The following NKAIN3 variants were observed in gnomAD, a reference collection of about 807,000 sequenced individuals.
The protein encoded by NKAIN3 is sodium/potassium-transporting ATPase subunit beta-1-interacting protein 3.
A neutral mutation model predicts 30.2 loss-of-function variants in NKAIN3; 25 were observed. The ratio of observed to expected loss-of-function variants is 0.83; its 90% CI spans 0.60 to 1.16. The LOEUF is 1.16. Ranked by LOEUF, NKAIN3 falls within the 50% of genes most tolerant of loss-of-function variation. The pLI, the probability that NKAIN3 is intolerant of heterozygous loss-of-function variation, is 0.00. For synonymous variants in NKAIN3, 91 were observed against 89.6 expected (o/e 1.02, Z -0.09); for missense variants, 225 against 254.1 (o/e 0.89, Z 0.78).
intron 1 of NKAIN3, among the ~76,000 whole-genome samples, chr8:62,438,801 G>T (rs1441081878): frequency 6.6e-6 from 1 of 152,152 alleles, no homozygotes; most frequent in Non-Finnish European, 1.5e-5. Context: ...GATCTCAAGT[G>T]ATCTGCCTGT....
At chr8:62,926,145 G>C (rs1822436669) in intron 5 of NKAIN3, among the ~76,000 whole-genome samples, 1 of 152,084 alleles carries the variant, frequency 6.6e-6, no homozygotes, top group Non-Finnish European at 1.5e-5. Context: ...TCACACCCTC[G>C]TGACACCCTG....
chr8:62,831,643 C>G (rs558070392), intron 4 of NKAIN3, among the ~76,000 whole-genome samples: 1 of 152,076 alleles, frequency 6.6e-6, no homozygotes, highest in Admixed American at 6.5e-5. Flanking sequence ...AGCTTGAAGA[C>G]TAGTCTTTCA....
chr8:62,853,150 C>CAT (rs1437428187), intron 4 of NKAIN3, among the ~76,000 whole-genome samples: 1 of 152,100 alleles, frequency 6.6e-6, no homozygotes, highest in African/African-American at 2.4e-5. Flanking sequence ...GTATTTGGTG[C>CAT]ATATATATGT....
intron 3 of NKAIN3, among the ~76,000 whole-genome samples, chr8:62,683,304 G>A (rs1197650799): frequency 6.6e-6 from 1 of 152,296 alleles, no homozygotes; most frequent in South Asian, 2.1e-4. Flanking sequence ...AAAGTGCTGA[G>A]ATTATAGGCA....
At chr8:62,353,821 C>A (rs1816259607) in intron 1 of NKAIN3, among the ~76,000 whole-genome samples, 1 of 152,092 alleles carries the variant, frequency 6.6e-6, no homozygotes, top group South Asian at 2.1e-4. Context: ...GGGATTGAAA[C>A]AGACACAAAG....
intron 3 of NKAIN3, among the ~76,000 whole-genome samples, chr8:62,676,593 C>A (rs1813483748): frequency 6.6e-6 from 1 of 152,034 alleles, no homozygotes; most frequent in Admixed American, 6.6e-5. Flanking sequence ...AGTATACTAT[C>A]TTATGGGTCA....
intron 1 of NKAIN3, among the ~76,000 whole-genome samples, chr8:62,485,196 G>T (rs773832771): frequency 2.0e-5 from 3 of 151,936 alleles, no homozygotes; most frequent in Non-Finnish European, 4.4e-5. Context: ...GCATCACAAT[G>T]AGGACAAAAG....
chr8:62,670,893 A>G (rs1319505555), intron 3 of NKAIN3, among the ~76,000 whole-genome samples: 1 of 151,234 alleles, frequency 6.6e-6, no homozygotes, highest in African/African-American at 2.4e-5. Context: ...ACACACACAC[A>G]CACACACACA....
At chr8:62,522,978 C>T (rs1244093978) in intron 1 of NKAIN3, among the ~76,000 whole-genome samples, 3 of 152,060 alleles carry the variant, frequency 2.0e-5, no homozygotes, top group Non-Finnish European at 4.4e-5. Context: ...TTATAGTCTA[C>T]AGTAGTGTGC....
chr8:62,397,717 A>G (rs1817808497), intron 1 of NKAIN3, among the ~76,000 whole-genome samples: 1 of 152,186 alleles, frequency 6.6e-6, no homozygotes, highest in Non-Finnish European at 1.5e-5. Flanking sequence ...ATGCTGGTTT[A>G]CATTCACATC....
chr8:62,755,811 T>G (rs1265738562), intron 4 of NKAIN3, among the ~76,000 whole-genome samples: 1 of 152,182 alleles, frequency 6.6e-6, no homozygotes, highest in Admixed American at 6.5e-5. Flanking sequence ...CAACAGTTTA[T>G]CTAAAGTTCC....
chr8:62,390,858 C>T (rs1265093337), intron 1 of NKAIN3, among the ~76,000 whole-genome samples: 1 of 152,100 alleles, frequency 6.6e-6, no homozygotes, highest in Admixed American at 6.6e-5. Flanking sequence ...AGCATCTGTT[C>T]ACATCCATTT....
At chr8:62,911,313 G>GA (rs1391708014) in intron 4 of NKAIN3, among the ~76,000 whole-genome samples, 2 of 152,102 alleles carry the variant, frequency 1.3e-5, no homozygotes, top group Non-Finnish European at 2.9e-5. Context: ...CTATATGCAT[G>GA]AAAAAATAAT....
chr8:62,688,641 A>G (rs904597380), intron 3 of NKAIN3, among the ~76,000 whole-genome samples: 2 of 152,138 alleles, frequency 1.3e-5, no homozygotes, highest in Non-Finnish European at 2.9e-5. Flanking sequence ...AGTTCTGTCA[A>G]GTAAAAATTC....
chr8:62,875,466 A>G (rs1300166206), intron 4 of NKAIN3, among the ~76,000 whole-genome samples: 1 of 152,014 alleles, frequency 6.6e-6, no homozygotes, highest in Non-Finnish European at 1.5e-5. Flanking sequence ...ACAGAATTAG[A>G]AAAAAAACTA....
intron 3 of NKAIN3, among the ~76,000 whole-genome samples, chr8:62,636,760 A>T (rs190573774): frequency 6.6e-6 from 1 of 152,208 alleles, no homozygotes; most frequent in African/African-American, 2.4e-5. Context: ...ACAAAAAATC[A>T]TGTCACTGGT....
chr8:62,803,087 A>C (rs562429132), intron 4 of NKAIN3, among the ~76,000 whole-genome samples: 1 of 152,334 alleles, frequency 6.6e-6, no homozygotes, highest in South Asian at 2.1e-4. Flanking sequence ...ATATGCACCC[A>C]ATATGAGAGC....
chr8:62,333,181 A>G (rs1007002344), intron 1 of NKAIN3, among the ~76,000 whole-genome samples: 3 of 152,096 alleles, frequency 2.0e-5, no homozygotes, highest in Non-Finnish European at 2.9e-5. Context: ...TCTGAAAGAG[A>G]TAGAGTTACC....
At chr8:62,388,525 GAT>G (rs1725936464) in intron 1 of NKAIN3, among the ~76,000 whole-genome samples, 3 of 152,262 alleles carry the variant, frequency 2.0e-5, no homozygotes, top group Non-Finnish European at 4.4e-5. Flanking sequence ...AGCATATGTG[GAT>G]TAACTAAAAT....
Sources: gnomAD v4.1 joint callset for allele counts (sites outside exome capture counted in the v4.1 genomes callset) on GRCh38, gnomAD v4.1.1 for gene constraint, MANE v1.5 for transcripts, NCBI Gene and HGNC (gene_info 2026-07-23, HGNC 2026-07-21) for gene names.